SUN5: variants seen among roughly 807,000 people sequenced by gnomAD.
The protein encoded by SUN5 is SUN domain-containing protein 5.
A neutral mutation model predicts 53.7 loss-of-function variants in SUN5; 44 were observed. That is an observed-to-expected ratio of 0.82 (90% CI 0.64 to 1.05). The LOEUF (loss-of-function observed/expected upper bound fraction) is 1.05, where lower values mean the gene tolerates loss of function less well. SUN5 is among the 50% of genes least tolerant of loss of function. The pLI is 0.00. For synonymous variants in SUN5, 166 were observed against 179.8 expected, an observed-to-expected ratio of 0.92 and a Z score of 0.62; for missense variants, 433 against 483.8, an observed-to-expected ratio of 0.90 and a Z score of 0.98.
At chr20:32,996,811 C>A (rs1364253085) in intron 6 of SUN5, among the ~76,000 whole-genome samples, 1 of 152,156 alleles carries the variant, frequency 6.6e-6, no homozygotes, top group Non-Finnish European at 1.5e-5. Context: ...AGCCTCCTAT[C>A]TCTTTCCCCT....
Position 33,002,917 on chromosome 20 carries a change from A to G in SUN5, c.80T>C (p.Ile27Thr), listed in dbSNP as rs775414324. 14 of 1,614,138 alleles carry G rather than the reference A, an allele frequency of 8.7e-6. No homozygotes were observed. Among genetic ancestry groups the G allele is most frequent in the Non-Finnish European group, 1.2e-5 (14 of 1,180,010 alleles). Residue 27 changes from isoleucine (I) to threonine (T), a missense_variant and splice_region_variant, in exon 2 of 13, where the codon ATT (isoleucine) becomes ACT (threonine). Physicochemically the swap from Ile to Thr is moderately conservative, Grantham distance 89. Transcript: ENST00000356173. Reference sequence around the variant, plus strand: ...GCTGGTGTTCCGGCCTCGCTGGGCAATCCTGGGGATGATAAGATTCATAGT... The same window carrying G: ...GCTGGTGTTCCGGCCTCGCTGGGCAGTCCTGGGGATGATAAGATTCATAGT... ...DVAHNPRPRR[I>T]AQRGRNTSRM...
chr20:33,003,238 C>T (rs942243262), intron 1 of SUN5, among the ~76,000 whole-genome samples: 3 of 152,144 alleles, frequency 2.0e-5, no homozygotes, highest in South Asian at 4.2e-4. Flanking sequence ...AGCCTGCTGT[C>T]GTGCTCCCAT....
At chr20:32,987,615 G>A (rs374115193) in intron 10 of SUN5, 45 bp downstream of exon 10, 220 of 1,160,480 alleles carry the variant, frequency 1.9e-4, no homozygotes, top group Middle Eastern at 8.8e-4. Context: ...AACCCTGCCC[G>A]GACCACTCCC....
chr20:33,004,304 C>T lies in SUN5; in HGVS notation c.37G>A (p.Ala13Thr), dbSNP rs767217191. The T allele has an allele frequency of 3.8e-5, 60 of 1,577,352 alleles. No homozygotes were observed. The highest frequency in any genetic ancestry group is 8.1e-5 in the African/African-American group (6 of 74,156). ...TTGTGGGCCACATCTTCGAGTAGGGCGCCTGGGTCCCCAGGGCTCCTTGAG... is the reference window on the plus strand; with the variant it reads ...TTGTGGGCCACATCTTCGAGTAGGGTGCCTGGGTCCCCAGGGCTCCTTGAG... Reference protein sequence around the residue: ...RSSRSPGDPGALLEDVAHNPR... With the variant: ...RSSRSPGDPGTLLEDVAHNPR... Residue 13 changes from alanine (A) to threonine (T), a missense_variant, in exon 1 of 13, where the codon GCC (alanine) becomes ACC (threonine). Ala to Thr is a moderately conservative substitution (Grantham distance 58). Transcript: ENST00000356173.
chr20:32,995,320 A>G (rs1363856623), intron 8 of SUN5, among the ~76,000 whole-genome samples: 1 of 152,228 alleles, frequency 6.6e-6, no homozygotes, highest in Non-Finnish European at 1.5e-5. Flanking sequence ...ACTTCTCATT[A>G]GCAACAGTAT....
chr20:32,989,269 C>G (rs1337266157), intron 9 of SUN5, among the ~76,000 whole-genome samples: 1 of 152,212 alleles, frequency 6.6e-6, no homozygotes, highest in African/African-American at 2.4e-5. Context: ...CTCTGTCTTG[C>G]TGACCTGTGT....
Position 32,987,713 on chromosome 20 carries a change from A to C in SUN5, c.676T>G (p.Trp226Gly), listed in dbSNP as rs1369103173. Reference protein sequence around the residue: ...TYNHEKAHSYWNWIQLWNYAQ... With the variant: ...TYNHEKAHSYGNWIQLWNYAQ... ...TAGTTCCACAGCTGGATCCAGTTCC[A>C]GTAGGAGTGGGCCTTCTCATGGTTA... Residue 226 changes from tryptophan (W) to glycine (G), a missense_variant, in exon 10 of 13, where the codon TGG becomes GGG. Coordinates refer to ENST00000356173, the MANE Select transcript of SUN5 (RefSeq NM_080675.4). 9 of 1,613,540 alleles carry C rather than the reference A, an allele frequency of 5.6e-6. No individual in the cohort carries two copies. The highest frequency in any genetic ancestry group is 7.6e-6 in the Non-Finnish European group (9 of 1,179,862).
At chr20:32,988,576 TTTTA>T (rs10681483) in intron 9 of SUN5, among the ~76,000 whole-genome samples, 39 of 150,656 alleles carry the variant, frequency 2.6e-4, no homozygotes, top group African/African-American at 7.6e-4. Flanking sequence ...CTGATTATTA[TTTTA>T]TTTATTTATT....
chr20:33,000,567 GC>G (rs1475446605), intron 4 of SUN5, among the ~76,000 whole-genome samples: 1 of 152,208 alleles, frequency 6.6e-6, no homozygotes, highest in African/African-American at 2.4e-5. Flanking sequence ...AACAGCATGT[GC>G]TGGGCTGGGT....
rs1239374334 is a variant in SUN5, at chr20:32,987,787, A to G, written c.614-12T>C. On this transcript the variant is annotated splice_polypyrimidine_tract_variant and intron_variant, in intron 9 of 12. Coordinates refer to ENST00000356173, the MANE Select transcript of SUN5 (RefSeq NM_080675.4). ...GTCAATGCTGGCCCCTGTATAGGAG[A>G]AGGGGGTCTCAGCCAAGCAGCCGGG... 2 of 1,606,564 alleles carry G rather than the reference A, an allele frequency of 1.2e-6. No individual in the cohort carries two copies. The highest frequency in any genetic ancestry group is 3.4e-5 in the Admixed American group (2 of 59,138).
intron 8 of SUN5, among the ~76,000 whole-genome samples, chr20:32,990,110 G>A (rs545347708): frequency 5.3e-5 from 8 of 152,194 alleles, no homozygotes; most frequent in African/African-American, 1.4e-4. Context: ...ATGTGCCAGG[G>A]CTATCCTCGG....
intron 8 of SUN5, among the ~76,000 whole-genome samples, chr20:32,993,439 T>C (rs4911278): frequency 0.45 from 69,045 of 152,076 alleles, 16,462 homozygotes; most frequent in East Asian, 0.84. Flanking sequence ...CTGCTGCTAC[T>C]GGTGAAAGAG....
chr20:33,001,227 A>C lies in SUN5; in HGVS notation c.263T>G (p.Leu88Arg), dbSNP rs1470984414. The C allele has an allele frequency of 1.3e-6, 2 of 1,576,196 alleles. No homozygotes were observed. The change falls in exon 4 of 13, where the codon CTG becomes CGG. Residue 88 changes from leucine (L) to arginine (R), a missense_variant. Physicochemically the swap from Leu to Arg is moderately radical, Grantham distance 102 (BLOSUM62 -2). Transcript: ENST00000356173. ...CCCTGCTCACCTGCACGTGTTAAAC[A>C]GAACCTGCTGGGCCTGAGTTCTCAG... ...CSLRTQAQQV[L>R]FNTCRCKLLC...
chr20:32,990,440 T>C (rs1348283531), intron 8 of SUN5, among the ~76,000 whole-genome samples: 1 of 152,196 alleles, frequency 6.6e-6, no homozygotes, highest in Admixed American at 6.5e-5. Flanking sequence ...CATTCCAGGC[T>C]CTTCTTTCAG....
chr20:32,991,258 C>T (rs888824235), intron 8 of SUN5, among the ~76,000 whole-genome samples: 3 of 152,274 alleles, frequency 2.0e-5, no homozygotes, highest in East Asian at 1.9e-4. Context: ...ATCCCCAGCA[C>T]GCAGTAGGCA....
chr20:32,998,193 AAAAAAAT>A (rs1485933212), intron 5 of SUN5, among the ~76,000 whole-genome samples: 2 of 150,842 alleles, frequency 1.3e-5, no homozygotes, highest in African/African-American at 4.9e-5. Flanking sequence ...AAAAAAAAAA[AAAAAAAT>A]ACAAAAATTA....
intron 8 of SUN5, among the ~76,000 whole-genome samples, chr20:32,990,229 A>C (rs925327813): frequency 2.6e-5 from 4 of 152,192 alleles, no homozygotes; most frequent in Admixed American, 1.3e-4. Context: ...TAGCTTGTTC[A>C]AGATCACCCA....
In SUN5 at chr20:32,983,781, TA is replaced by T; in HGVS notation, c.*12del. On this transcript the variant is annotated 3_prime_UTR_variant, in exon 13 of 13. Coordinates refer to ENST00000356173, the MANE Select transcript of SUN5 (RefSeq NM_080675.4). The stretch of plus-strand genomic sequence containing the variant: ...AAGACACTCAGACTTGGTCTGGGGG[TA>T]AAGAATAAATTTTAATCTCTCTTAG... The T allele has an allele frequency of 6.9e-7, 1 of 1,454,992 alleles. No individual in the cohort carries two copies. Among genetic ancestry groups the T allele is most frequent in the Non-Finnish European group, 9.1e-7 (1 of 1,096,524 alleles). The allele number at this position is 1,454,992 out of a possible 1,614,324, so 90.1% of individuals were successfully genotyped here.
rs576572244 is a variant in SUN5, at chr20:32,983,960, A to G, written c.985-11T>C. 9 of 1,555,866 alleles carry G rather than the reference A, an allele frequency of 5.8e-6. No individual in the cohort carries two copies. The South Asian group carries it at 1.0e-4, about 17-fold the overall frequency. Reference sequence around the variant, plus strand: ...CCGGGCCGGCTGGTTCTGGAAGAGAATCAGTCACAGAGGCAGCTCACCCAT... The same window carrying G: ...CCGGGCCGGCTGGTTCTGGAAGAGAGTCAGTCACAGAGGCAGCTCACCCAT... On this transcript the variant is annotated splice_polypyrimidine_tract_variant and intron_variant, in intron 12 of 12. Transcript: ENST00000356173.
Sources: allele counts gnomAD v4.1 joint callset (sites outside exome capture counted in the v4.1 genomes callset), GRCh38; gene constraint gnomAD v4.1.1; transcripts MANE v1.5; gene names NCBI Gene and HGNC (gene_info 2026-07-23, HGNC 2026-07-21).